L3MBTL4: variants seen among roughly 807,000 people sequenced by gnomAD.
L3MBTL4 encodes the protein L3MBTL histone methyl-lysine binding protein 4.
L3MBTL4 carries 70 observed loss-of-function variants against 84.5 expected under a neutral mutation model. The observed-to-expected ratio is 0.83, with a 90% CI of 0.68 to 1.01. L3MBTL4 has a LOEUF of 1.01. Among genes scored for constraint, L3MBTL4 ranks in the 50% least tolerant of loss-of-function variants. L3MBTL4 has a pLI of 0.00. For synonymous variants in L3MBTL4, 274 were observed against 259.8 expected (o/e 1.05, Z -0.52); for missense variants, 715 against 754.8 (o/e 0.95, Z 0.62).
At chr18:6,141,127 A>G (rs909271999) in intron 13 of L3MBTL4, among the ~76,000 whole-genome samples, 1 of 151,244 alleles carries the variant, frequency 6.6e-6, no homozygotes, top group Non-Finnish European at 1.5e-5. Flanking sequence ...TACTGAAACT[A>G]CATACTGTAC....
At chr18:6,233,900 T>C (rs2047101717) in intron 10 of L3MBTL4, among the ~76,000 whole-genome samples, 2 of 152,134 alleles carry the variant, frequency 1.3e-5, no homozygotes, top group African/African-American at 2.4e-5. Context: ...GGCATCACAC[T>C]ACCTGACTTC....
chr18:6,372,912 TA>T (rs1450106662), intron 1 of L3MBTL4, among the ~76,000 whole-genome samples: 2 of 152,220 alleles, frequency 1.3e-5, no homozygotes, highest in Admixed American at 6.5e-5. Flanking sequence ...GAAGAAAGTT[TA>T]AATTCAGTAT....
intron 1 of L3MBTL4, among the ~76,000 whole-genome samples, chr18:6,315,962 C>T (rs561290226): frequency 6.6e-6 from 1 of 151,934 alleles, no homozygotes; most frequent in Non-Finnish European, 1.5e-5. Context: ...CAGGAAGTCC[C>T]AAGATTCAGG....
At chr18:6,258,367 G>A (rs1295027434) in intron 5 of L3MBTL4, among the ~76,000 whole-genome samples, 4 of 152,190 alleles carry the variant, frequency 2.6e-5, no homozygotes, top group Non-Finnish European at 4.4e-5. Context: ...TGGCACCTGG[G>A]GTAGAGAAGG....
chr18:6,048,771 C>A (rs1193630324), intron 16 of L3MBTL4, among the ~76,000 whole-genome samples: 6 of 140,802 alleles, frequency 4.3e-5, no homozygotes, highest in African/African-American at 8.3e-5. Flanking sequence ...CCTGGGCAAC[C>A]GAGTAAGACT....
chr18:6,354,528 C>G (rs1462004174), intron 1 of L3MBTL4, among the ~76,000 whole-genome samples: 2 of 152,066 alleles, frequency 1.3e-5, no homozygotes, highest in Non-Finnish European at 2.9e-5. Flanking sequence ...GCAAACTTCC[C>G]AGCTGACAAG....
At chr18:6,155,665 C>T (rs925342438) in intron 13 of L3MBTL4, among the ~76,000 whole-genome samples, 2 of 152,036 alleles carry the variant, frequency 1.3e-5, no homozygotes, top group East Asian at 1.9e-4. Context: ...AAAGCATAAA[C>T]GAAAAGTAAC....
chr18:6,366,324 A>G (rs1453865154), intron 1 of L3MBTL4, among the ~76,000 whole-genome samples: 1 of 152,214 alleles, frequency 6.6e-6, no homozygotes, highest in Non-Finnish European at 1.5e-5. Flanking sequence ...AACTGTAGCC[A>G]TACAGAAAAT....
At chr18:6,202,128 T>A (rs2045673572) in intron 12 of L3MBTL4, among the ~76,000 whole-genome samples, 1 of 152,208 alleles carries the variant, frequency 6.6e-6, no homozygotes, top group Admixed American at 6.5e-5. Context: ...GCTGTTTCTG[T>A]ACCTCCCTTC....
intron 14 of L3MBTL4, among the ~76,000 whole-genome samples, chr18:6,122,410 G>T (rs949544499): frequency 6.6e-6 from 1 of 152,216 alleles, no homozygotes; most frequent in African/African-American, 2.4e-5. Context: ...GAGGGACCCA[G>T]TTGGAGGTAA....
chr18:6,259,966 A>G (rs2048323894), intron 5 of L3MBTL4: 1 of 152,202 alleles, frequency 6.6e-6, no homozygotes, highest in Admixed American at 6.5e-5. Context: ...GTTTTTGTAT[A>G]TGGTGAAAGG....
At position 6,062,612 on chromosome 18, in the gene L3MBTL4, G is replaced by A. The variant is rs548607638; in HGVS notation, c.1444+18269C>T. Among the ~76,000 whole-genome samples the A allele has an allele frequency of 4.0e-5, 6 of 151,796 alleles. No individual in the cohort carries two copies. In the East Asian group the frequency reaches 5.8e-4, roughly 15 times the overall value. ...TCTCTTTCTGGTATTCCCATTGCACGTTTACCCTTTGTAATTATCCCACAG... is the reference window on the plus strand; with the variant it reads ...TCTCTTTCTGGTATTCCCATTGCACATTTACCCTTTGTAATTATCCCACAG... On this transcript the variant is annotated intron_variant, in intron 16 of 18. Coordinates refer to ENST00000317931, the MANE Select transcript of L3MBTL4 (RefSeq NM_001330559.2).
intron 10 of L3MBTL4, among the ~76,000 whole-genome samples, chr18:6,232,005 A>G (rs979572399): frequency 2.0e-5 from 3 of 152,138 alleles, no homozygotes; most frequent in Non-Finnish European, 4.4e-5. Flanking sequence ...ACCATTGAGT[A>G]TGATATTCCC....
intron 16 of L3MBTL4, among the ~76,000 whole-genome samples, chr18:6,073,089 A>G (rs2057741881): frequency 6.6e-6 from 1 of 150,830 alleles, no homozygotes; most frequent in Admixed American, 6.6e-5. Flanking sequence ...AAATCAACAC[A>G]GCCAAAAATT....
chr18:6,297,232 G>A (rs972032799), intron 4 of L3MBTL4, among the ~76,000 whole-genome samples: 3 of 152,174 alleles, frequency 2.0e-5, no homozygotes, highest in African/African-American at 7.2e-5. Context: ...AAGAAACTTA[G>A]ATGCTACTGG....
At chr18:6,221,649 C>T (rs1024336283) in intron 10 of L3MBTL4, among the ~76,000 whole-genome samples, 1 of 152,202 alleles carries the variant, frequency 6.6e-6, no homozygotes, top group African/African-American at 2.4e-5. Context: ...GTGCTCTAGG[C>T]TGCTGGGCCT....
intron 1 of L3MBTL4, among the ~76,000 whole-genome samples, chr18:6,355,844 A>C (rs964510502): frequency 6.7e-6 from 1 of 148,526 alleles, no homozygotes; most frequent in African/African-American, 2.5e-5. Flanking sequence ...CAAATTTATA[A>C]AAAAAAAAAA....
chr18:6,211,802 C>T (rs576687763), intron 12 of L3MBTL4, among the ~76,000 whole-genome samples: 90 of 152,200 alleles, frequency 5.9e-4, no homozygotes, highest in African/African-American at 2.1e-3. Flanking sequence ...GCACGTGACA[C>T]CACACCCAGC....
intron 18 of L3MBTL4, among the ~76,000 whole-genome samples, chr18:5,958,576 G>A (rs6506348): frequency 0.37 from 56,201 of 152,026 alleles, 10,682 homozygotes; most frequent in East Asian, 0.49. Context: ...TAATATAGGT[G>A]AGGAAACCTG....
Sources: allele counts gnomAD v4.1 joint callset (sites outside exome capture counted in the v4.1 genomes callset), GRCh38; gene constraint gnomAD v4.1.1; transcripts MANE v1.5; gene names NCBI Gene and HGNC (gene_info 2026-07-23, HGNC 2026-07-21).